The following ALG6 variants were observed in gnomAD, a reference collection of about 807,000 sequenced individuals.
The protein encoded by ALG6 is dolichyl pyrophosphate Man9GlcNAc2 alpha-1,3-glucosyltransferase.
A neutral mutation model predicts 66.6 loss-of-function variants in ALG6; 46 were observed. The ratio of observed to expected loss-of-function variants is 0.69; its 90% CI spans 0.55 to 0.88. The LOEUF (loss-of-function observed/expected upper bound fraction) is 0.88, where lower values mean the gene tolerates loss of function less well. Ranked by LOEUF, ALG6 falls within the 40% of genes least tolerant of loss-of-function variation. The pLI is 0.00. For missense variants in ALG6, 505 were observed against 586.8 expected (o/e 0.86, Z 1.44); for synonymous variants, 185 against 203.7 (o/e 0.91, Z 0.78).
chr1:63,418,906 A>AT (rs202004801), intron 11 of ALG6, among the ~76,000 whole-genome samples: 36 of 152,252 alleles, frequency 2.4e-4, no homozygotes, highest in Non-Finnish European at 5.0e-4. Flanking sequence ...AAAATAGATA[A>AT]TTTTTTTTAA....
intron 2 of ALG6, among the ~76,000 whole-genome samples, chr1:63,381,553 G>T (rs184582655): frequency 1.3e-5 from 2 of 152,088 alleles, no homozygotes; most frequent in Admixed American, 1.3e-4. Flanking sequence ...GGGGCTGAGG[G>T]GGGATCCCTT....
chr1:63,406,780 A>G (rs1644491578), intron 6 of ALG6, among the ~76,000 whole-genome samples: 1 of 152,068 alleles, frequency 6.6e-6, no homozygotes, highest in African/African-American at 2.4e-5. Flanking sequence ...ATAGGTTAAC[A>G]TTAGATTGAC....
At chr1:63,431,930 A>G (rs1644648015) in intron 14 of ALG6, among the ~76,000 whole-genome samples, 1 of 152,200 alleles carries the variant, frequency 6.6e-6, no homozygotes, top group African/African-American at 2.4e-5. Context: ...AATATACAAG[A>G]TAATGTAATC....
intron 1 of ALG6, 126 bp from the exon 2 acceptor site, chr1:63,370,645 G>A (rs193178228): frequency 1.1e-3 from 310 of 292,330 alleles, no homozygotes; most frequent in Admixed American, 3.0e-3. Flanking sequence ...AAAATACCAC[G>A]TTTCCTTCAC....
chr1:63,397,651 C>G lies in ALG6; in HGVS notation c.167+1054C>G, dbSNP rs368456890. ...CATTTTTGTTAATTATTATTGCTCT[C>G]TATCATAATTGAGCAGTGGTGATTA... On this transcript the variant is annotated intron_variant, in intron 3 of 14. Coordinates refer to ENST00000263440, the MANE Select transcript of ALG6 (RefSeq NM_013339.4). 9.2e-5 allele frequency among the ~76,000 whole-genome samples: 14 copies of G among 152,280 alleles called. No homozygotes were observed. In the East Asian group the frequency reaches 2.1e-3, roughly 23 times the overall value.
At chr1:63,416,107 T>A (rs1377181777) in intron 11 of ALG6, 150 bp downstream of exon 11, 1 of 674,916 alleles carries the variant, frequency 1.5e-6, no homozygotes. Flanking sequence ...ATACTTAGCT[T>A]CTGTGTTAGA....
chr1:63,370,659 C>T, intron 1 of ALG6, 112 bp from the exon 2 acceptor site: 1 of 322,410 alleles, frequency 3.1e-6, no homozygotes, highest in South Asian at 3.4e-5. Flanking sequence ...CCTTCACATT[C>T]CTTCCCACTA....
At position 63,371,000 on chromosome 1, in the gene ALG6, C is replaced by T; in HGVS notation, c.23C>T (p.Thr8Ile). Residue 8 changes from threonine (T) to isoleucine (I), a missense_variant, in exon 2 of 15, where the codon ACA becomes ATA. Transcript: ENST00000263440. Reference sequence around the variant, plus strand: ...ACTATGGAGAAATGGTACTTGATGACAGTAGTGGTTTTAATAGGACTAACA... The same window carrying T: ...ACTATGGAGAAATGGTACTTGATGATAGTAGTGGTTTTAATAGGACTAACA... Reference protein sequence around the residue: MEKWYLMTVVVLIGLTVR... With the variant: MEKWYLMIVVVLIGLTVR... 6.2e-7 allele frequency: 1 copy of T among 1,609,638 alleles called. No individual in the cohort carries two copies. The highest frequency in any genetic ancestry group is 8.5e-7 in the Non-Finnish European group (1 of 1,176,184).
intron 12 of ALG6, among the ~76,000 whole-genome samples, chr1:63,422,568 A>G (rs1644593529): frequency 6.7e-6 from 1 of 150,048 alleles, no homozygotes; most frequent in Non-Finnish European, 1.5e-5. Flanking sequence ...GGCTGGGAAT[A>G]TATTATTTGC....
At chr1:63,404,287 G>T (rs1644479902) in intron 4 of ALG6, among the ~76,000 whole-genome samples, 166 bp from the exon 5 acceptor site, 1 of 152,140 alleles carries the variant, frequency 6.6e-6, no homozygotes, top group African/African-American at 2.4e-5. Flanking sequence ...GCTTAAGTCA[G>T]TTTCACATGA....
In ALG6 at chr1:63,419,438, A is replaced by G. The variant is rs371100177; in HGVS notation, c.1056A>G (p.Ser352=). The change falls in exon 12 of 15, where the codon TCA becomes TCG. Residue 352 remains serine, a splice_region_variant and synonymous_variant. Transcript: ENST00000263440. ...QVHEKSILLV[S]LPVCLVLSEI... is the part of the protein sequence containing the mutation. ...ATGAAAAATCCATTCTCTTGGTGTCACTGTAAGTAGAAACATTTGAAATAT... is the reference window on the plus strand; with the variant it reads ...ATGAAAAATCCATTCTCTTGGTGTCGCTGTAAGTAGAAACATTTGAAATAT... The G allele has an allele frequency of 2.9e-5, 46 of 1,591,032 alleles. No individual in the cohort carries two copies. Among genetic ancestry groups the G allele is most frequent in the Non-Finnish European group, 3.6e-5 (42 of 1,162,690 alleles).
chr1:63,400,222 CGTATATATATAT>C (rs1435299768), intron 3 of ALG6, among the ~76,000 whole-genome samples: 1 of 12,246 alleles, frequency 8.2e-5, no homozygotes, highest in Non-Finnish European at 1.1e-4. Flanking sequence ...TATATATATA[CGTATATATATAT>C]ATATATATAC....
At chr1:63,381,370 C>G (rs2100389320) in intron 2 of ALG6, among the ~76,000 whole-genome samples, 1 of 152,294 alleles carries the variant, frequency 6.6e-6, no homozygotes, top group South Asian at 2.1e-4. Context: ...AGGAGAATGG[C>G]ATGAACCCAG....
At chr1:63,377,543 C>A (rs1158812743) in intron 2 of ALG6, among the ~76,000 whole-genome samples, 2 of 152,180 alleles carry the variant, frequency 1.3e-5, no homozygotes, top group African/African-American at 4.8e-5. Flanking sequence ...TTTAACTTAA[C>A]AAAGCCTAAA....
chr1:63,370,181 G>C (rs996963844), intron 1 of ALG6, among the ~76,000 whole-genome samples: 2 of 151,382 alleles, frequency 1.3e-5, no homozygotes, highest in Non-Finnish European at 2.9e-5. Context: ...AAAAAAGTAA[G>C]TGGTTAATTG....
intron 3 of ALG6, among the ~76,000 whole-genome samples, chr1:63,401,689 G>T (rs576518734): frequency 4.6e-5 from 7 of 152,016 alleles, no homozygotes; most frequent in African/African-American, 1.7e-4. Flanking sequence ...AAAGAAATAA[G>T]CTTATGAACA....
chr1:63,424,559 G>A (rs930315979), intron 12 of ALG6, among the ~76,000 whole-genome samples: 29 of 151,990 alleles, frequency 1.9e-4, no homozygotes, highest in African/African-American at 7.0e-4. Context: ...TCTTTGGGTT[G>A]TCTTTTTTAC....
chr1:63,403,908 G>A (rs963455322), intron 4 of ALG6, among the ~76,000 whole-genome samples: 4 of 152,104 alleles, frequency 2.6e-5, no homozygotes, highest in Admixed American at 2.0e-4. Flanking sequence ...CGTTATGAGT[G>A]TATTTAATAT....
intron 2 of ALG6, among the ~76,000 whole-genome samples, chr1:63,373,748 C>T (rs992241819): frequency 6.7e-6 from 1 of 148,158 alleles, no homozygotes; most frequent in Non-Finnish European, 1.5e-5. Context: ...GCAGCCTTGA[C>T]CTCTTGGGAC....
Sources: gnomAD v4.1 joint callset for allele counts (sites outside exome capture counted in the v4.1 genomes callset) on GRCh38, gnomAD v4.1.1 for gene constraint, MANE v1.5 for transcripts, NCBI Gene and HGNC (gene_info 2026-07-23, HGNC 2026-07-21) for gene names.